Variants in C1QTNF6 observed in about 807,000 individuals in gnomAD.
C1QTNF6 encodes C1q and TNF related 6.
Under a neutral mutation model 20.7 loss-of-function variants are expected in C1QTNF6, and 17 were observed. The observed-to-expected ratio is 0.82, with a 90% confidence interval of 0.56 to 1.23. The LOEUF is 1.23. Ranked by LOEUF, C1QTNF6 falls within the 50% of genes most tolerant of loss-of-function variation. C1QTNF6 has a pLI of 0.00. For synonymous variants in C1QTNF6, 130 were observed against 156.3 expected (o/e 0.83, Z 1.25); for missense variants, 329 against 389.7 (o/e 0.84, Z 1.31).
chr22:37,193,139 A>G (rs1337090102), upstream of C1QTNF6, among the ~76,000 whole-genome samples: 1 of 152,234 alleles, frequency 6.6e-6, no homozygotes, highest in Non-Finnish European at 1.5e-5. Context: ...CAAAACTGCC[A>G]TTAGCCATCC....
At chr22:37,185,766 G>A in intron 1 of C1QTNF6, 1 of 1,048,628 alleles carries the variant, frequency 9.5e-7, no homozygotes, top group Non-Finnish European at 1.1e-6. Flanking sequence ...ACAGCTGAGA[G>A]CAGACAGGGA....
At chr22:37,185,607 G>C in intron 1 of C1QTNF6, 152 bp from the exon 2 acceptor site, 1 of 1,361,972 alleles carries the variant, frequency 7.3e-7, no homozygotes, top group Non-Finnish European at 9.4e-7. Flanking sequence ...CAGACAAGAA[G>C]ACTGAGACCT....
chr22:37,185,611 G>A (rs1257292775), intron 1 of C1QTNF6, 156 bp from the exon 2 acceptor site: 6 of 1,361,200 alleles, frequency 4.4e-6, no homozygotes, highest in South Asian at 1.8e-5. Context: ...CAAGAAGACT[G>A]AGACCTCCAC....
intron 1 of C1QTNF6, chr22:37,195,714 G>C (rs1262039380): frequency 6.6e-6 from 1 of 152,232 alleles, no homozygotes; most frequent in African/African-American, 2.4e-5. Context: ...AGAAAGGGGA[G>C]ATTTCCCCAG....
upstream of C1QTNF6, among the ~76,000 whole-genome samples, chr22:37,192,264 G>T (rs1271535838): frequency 6.6e-6 from 1 of 152,160 alleles, no homozygotes; most frequent in Non-Finnish European, 1.5e-5. Context: ...TGTTTCTCTA[G>T]TAGTCTCAAT....
rs763542092 is a variant in C1QTNF6, at chr22:37,188,166, G to A, written c.48C>T (p.His16=). 32 of 1,609,974 alleles carry A rather than the reference G, an allele frequency of 2.0e-5. No homozygotes were observed. In the East Asian group the frequency reaches 7.2e-4, roughly 36 times the overall value. Residue 16 remains histidine (H), a synonymous_variant, in exon 1 of 3, where the codon CAC becomes CAT. Transcript: ENST00000337843. ...TGAGGAGCCTCTGGTCACTCACCCTGTGTCCTGTGGCCTCCCCAGGCGACT... is the reference window on the plus strand; with the variant it reads ...TGAGGAGCCTCTGGTCACTCACCCTATGTCCTGTGGCCTCCCCAGGCGACT... ...VRESPGEATG[H]RVTMGTAALG...
chr22:37,188,028 G>C (rs1924528826), intron 1 of C1QTNF6, 135 bp downstream of exon 1: 2 of 888,094 alleles, frequency 2.3e-6, no homozygotes, highest in South Asian at 1.9e-5. Context: ...AAATGTGGAG[G>C]GGAGAGCCTG....
chr22:37,198,720 G>A (rs932442664), upstream of C1QTNF6, among the ~76,000 whole-genome samples: 2 of 143,994 alleles, frequency 1.4e-5, no homozygotes, highest in African/African-American at 5.3e-5. Context: ...CCACCAGCCC[G>A]TCCCCTCAGG....
upstream of C1QTNF6, chr22:37,188,310 A>ATG (rs1924559097): frequency 2.3e-6 from 2 of 855,152 alleles, no homozygotes; most frequent in Admixed American, 3.2e-5. Flanking sequence ...GGATGGAGGG[A>ATG]GAGAGGGCGG....
At chr22:37,197,478 T>C (rs921431108) in intron 1 of C1QTNF6, 5 of 152,308 alleles carry the variant, frequency 3.3e-5, no homozygotes, top group African/African-American at 1.2e-4. Context: ...GCAATGGTTT[T>C]GTCAAGGGCC....
At position 37,184,741 on chromosome 22, in the gene C1QTNF6, C is replaced by T. The variant is rs1209736111; in HGVS notation, c.289+477G>A. On this transcript the variant is annotated intron_variant, in intron 2 of 2. Coordinates refer to ENST00000337843, the MANE Select transcript of C1QTNF6 (RefSeq NM_031910.4). This position sits in a 1 kb window ranked among gnomAD's most constrained non-coding sequence, Gnocchi z 4.0. ...CCCTACAGTAGCCGGGTGGTGACAG[C>T]ACCCCATGTGATCTGAGCCTGGTGC... Among the ~76,000 whole-genome samples, 3 of 152,170 alleles carry T rather than the reference C, an allele frequency of 2.0e-5. No individual in the cohort carries two copies. The highest frequency in any genetic ancestry group is 7.2e-5 in the African/African-American group (3 of 41,442).
chr22:37,186,983 C>A (rs773058158), intron 1 of C1QTNF6, among the ~76,000 whole-genome samples: 43 of 152,158 alleles, frequency 2.8e-4, no homozygotes, highest in African/African-American at 9.6e-4. Context: ...TGGGAGGCCA[C>A]GGAGAGAGGA....
At chr22:37,197,298 G>A (rs942873632) in intron 1 of C1QTNF6, 1 of 152,260 alleles carries the variant, frequency 6.6e-6, no homozygotes, top group Non-Finnish European at 1.5e-5. Context: ...GGAGCCAAGG[G>A]GAGCCTCCCT....
At chr22:37,185,097 G>C in intron 2 of C1QTNF6, 121 bp downstream of exon 2, 1 of 1,439,944 alleles carries the variant, frequency 6.9e-7, no homozygotes, top group Non-Finnish European at 9.2e-7. Flanking sequence ...GCTCACATTG[G>C]GGCTCAATAA....
chr22:37,192,074 T>C (rs1404395171), upstream of C1QTNF6, among the ~76,000 whole-genome samples: 3 of 152,228 alleles, frequency 2.0e-5, no homozygotes, highest in Non-Finnish European at 2.9e-5. Context: ...GAATTTCTTT[T>C]ACAAGATTAA....
At position 37,182,200 on chromosome 22, in the gene C1QTNF6, G is replaced by A. The variant is rs773826811; in HGVS notation, c.825C>T (p.Ala275=). 1.9e-5 allele frequency: 30 copies of A among 1,610,932 alleles called. No individual in the cohort carries two copies. The highest frequency in any genetic ancestry group is 2.0e-5 in the Non-Finnish European group (24 of 1,177,896). The change falls in exon 3 of 3, where the codon GCC becomes GCT. Residue 275 remains alanine (A), a synonymous_variant. Transcript: ENST00000337843. ...GGCCCAGAGGCCCTCAGTCGTCCTC[G>A]GCCTTGATGAGGTGGCCGCTGAAGG... ...YITFSGHLIK[A]EDD is the part of the protein sequence containing the mutation.
chr22:37,180,396 G>C lies in C1QTNF6; in HGVS notation c.*1792C>G, dbSNP rs968938791. On this transcript the variant is annotated 3_prime_UTR_variant, in exon 3 of 3. Coordinates refer to ENST00000337843, the MANE Select transcript of C1QTNF6 (RefSeq NM_031910.4). ...GCATGAGCACCAATGGGCGGAGGCC[G>C]CCTCCCTCTGGGGAGAAGGGCAGGC... 2 of 152,782 alleles carry C rather than the reference G, an allele frequency of 1.3e-5. No individual in the cohort carries two copies. The highest frequency in any genetic ancestry group is 4.8e-5 in the African/African-American group (2 of 41,474). 9.5% of individuals were successfully genotyped at this position (152,782 alleles called of 1,614,324 possible).
At position 37,184,985 on chromosome 22, in the gene C1QTNF6, C is replaced by T. The variant is rs150280301; in HGVS notation, c.289+233G>A. ...ACTCCACTAACTTAGGTGATGTGTG[C>T]CTTGCTCACAGCCCATCTCCCCACC... On this transcript the variant is annotated intron_variant, in intron 2 of 2. Transcript: ENST00000337843. This position sits in a 1 kb window ranked among gnomAD's most constrained non-coding sequence, Gnocchi z 4.0. Among the ~76,000 whole-genome samples, 507 of 152,216 alleles carry T rather than the reference C, an allele frequency of 3.3e-3. 3 individuals carry two copies. The highest frequency in any genetic ancestry group is 0.012 in the African/African-American group (485 of 41,522).
Position 37,182,638 on chromosome 22 carries a change from C to G in C1QTNF6, c.387G>C (p.Lys129Asn), listed in dbSNP as rs760382972. ...EPGPQGSKGDKGEMGSPGAPC... is the reference protein window; with the variant it reads ...EPGPQGSKGDNGEMGSPGAPC... ...GGGCGCCGGGGCTGCCCATCTCCCC[C>G]TTGTCACCCTTGCTGCCCTGAGGGC... The change falls in exon 3 of 3, where the codon AAG (lysine) becomes AAC (asparagine). Residue 129 changes from lysine to asparagine, a missense_variant. Coordinates refer to ENST00000337843, the MANE Select transcript of C1QTNF6 (RefSeq NM_031910.4). 3 of 1,613,324 alleles carry G rather than the reference C, an allele frequency of 1.9e-6. No homozygotes were observed. In the African/African-American group the frequency reaches 4.0e-5, roughly 22 times the overall value.
Sources: allele counts gnomAD v4.1 joint callset (sites outside exome capture counted in the v4.1 genomes callset), GRCh38; gene constraint gnomAD v4.1.1; non-coding constraint Gnocchi (gnomAD v3.1); transcripts MANE v1.5; gene names NCBI Gene and HGNC (gene_info 2026-07-23, HGNC 2026-07-21).